CCDC192: variants seen among roughly 807,000 people sequenced by gnomAD.
The protein encoded by CCDC192 is coiled-coil domain containing 192.
intron 5 of CCDC192, among the ~76,000 whole-genome samples, chr5:127,824,576 T>C (rs971405253): frequency 2.6e-5 from 4 of 152,214 alleles, no homozygotes; most frequent in African/African-American, 7.2e-5. Flanking sequence ...ACTTTTTGCA[T>C]GGAATTTCAC....
At chr5:127,883,080 C>G (rs534596833) in intron 6 of CCDC192, among the ~76,000 whole-genome samples, 3 of 152,336 alleles carry the variant, frequency 2.0e-5, no homozygotes, top group South Asian at 2.1e-4. Flanking sequence ...CATCATCAGA[C>G]TTTATGGAGC....
At chr5:127,724,317 T>C (rs1167389395) in intron 2 of CCDC192, among the ~76,000 whole-genome samples, 2 of 152,216 alleles carry the variant, frequency 1.3e-5, no homozygotes, top group Non-Finnish European at 2.9e-5. Flanking sequence ...ACCTGCGATC[T>C]TCCTTACAAT....
At chr5:127,749,205 A>G (rs1753972710) in intron 2 of CCDC192, among the ~76,000 whole-genome samples, 1 of 152,046 alleles carries the variant, frequency 6.6e-6, no homozygotes. Context: ...TTCAAAGGGA[A>G]TGCTTCCAGT....
At chr5:127,903,955 C>A (rs1580812332) in intron 6 of CCDC192, among the ~76,000 whole-genome samples, 2 of 152,240 alleles carry the variant, frequency 1.3e-5, no homozygotes, top group East Asian at 3.9e-4. Flanking sequence ...TTACCTAAAT[C>A]CTGGAACCTG....
chr5:127,707,663 A>T (rs173581), intron 1 of CCDC192, 46 bp from the exon 2 acceptor site: 266,771 of 397,430 alleles, frequency 0.67, 89,981 homozygotes, highest in African/African-American at 0.75. Flanking sequence ...CGCACATGAG[A>T]GCCTGAAATA....
intron 5 of CCDC192, among the ~76,000 whole-genome samples, chr5:127,807,748 C>T (rs1018980876): frequency 3.9e-5 from 6 of 152,018 alleles, no homozygotes; most frequent in African/African-American, 7.2e-5. Flanking sequence ...GATCAGGAGT[C>T]GATATTTGAG....
At chr5:127,802,020 C>A (rs1757531886) in intron 5 of CCDC192, among the ~76,000 whole-genome samples, 1 of 152,100 alleles carries the variant, frequency 6.6e-6, no homozygotes, top group East Asian at 1.9e-4. Context: ...CTATTTGTTA[C>A]AAAAAATATA....
chr5:127,737,139 T>A (rs1443267150), intron 2 of CCDC192, among the ~76,000 whole-genome samples: 2 of 151,850 alleles, frequency 1.3e-5, no homozygotes, highest in Non-Finnish European at 2.9e-5. Context: ...GTCTTTGTTC[T>A]CGTTGGTTTC....
chr5:127,726,709 C>T (rs940468966), intron 2 of CCDC192, among the ~76,000 whole-genome samples: 3 of 152,214 alleles, frequency 2.0e-5, no homozygotes, highest in African/African-American at 4.8e-5. Flanking sequence ...CTGGTCAGGG[C>T]CTCCTTGTGG....
intron 2 of CCDC192, among the ~76,000 whole-genome samples, chr5:127,719,466 C>T (rs202146184): frequency 2.2e-4 from 8 of 36,062 alleles, no homozygotes; most frequent in East Asian, 1.7e-3. Context: ...CATATATATA[C>T]AGACACATAC....
intron 6 of CCDC192, among the ~76,000 whole-genome samples, chr5:127,912,419 C>G (rs77109820): frequency 1.2e-5 from 1 of 81,452 alleles, no homozygotes; most frequent in Non-Finnish European, 2.2e-5. Context: ...CTGGGTTTAG[C>G]AAAAAAAAAA....
chr5:127,824,969 A>T (rs1182947355), intron 5 of CCDC192, among the ~76,000 whole-genome samples: 1 of 152,218 alleles, frequency 6.6e-6, no homozygotes, highest in Admixed American at 6.5e-5. Context: ...GTAGTTGTTC[A>T]AGCACACAAA....
intron 6 of CCDC192, among the ~76,000 whole-genome samples, chr5:127,919,540 C>A (rs1347522196): frequency 6.6e-6 from 1 of 152,188 alleles, no homozygotes; most frequent in African/African-American, 2.4e-5. Context: ...ATGGTAGAGT[C>A]ACTCTCTTGT....
chr5:127,896,224 A>G (rs1355262606), intron 6 of CCDC192, among the ~76,000 whole-genome samples: 1 of 152,072 alleles, frequency 6.6e-6, no homozygotes, highest in Non-Finnish European at 1.5e-5. Flanking sequence ...GGATCATTTG[A>G]GGCCATGAGT....
intron 2 of CCDC192, among the ~76,000 whole-genome samples, chr5:127,750,207 G>A (rs1203550732): frequency 6.6e-6 from 1 of 152,006 alleles, no homozygotes; most frequent in African/African-American, 2.4e-5. Context: ...TGTGATGTTA[G>A]GGTGTCAATT....
intron 6 of CCDC192, among the ~76,000 whole-genome samples, chr5:127,887,690 A>G (rs1292496981): frequency 1.3e-5 from 2 of 151,662 alleles, no homozygotes; most frequent in South Asian, 2.1e-4. Context: ...TAATTAATTC[A>G]TAATTTTTAT....
At chr5:127,817,764 A>G (rs1749090931) in intron 5 of CCDC192, among the ~76,000 whole-genome samples, 2 of 152,192 alleles carry the variant, frequency 1.3e-5, no homozygotes, top group Non-Finnish European at 2.9e-5. Context: ...TGACTGCTAT[A>G]TCTCAATAAA....
At chr5:127,756,548 C>CTGCAAAATATCTGAA (rs1754609539) in intron 3 of CCDC192, among the ~76,000 whole-genome samples, 1 of 152,176 alleles carries the variant, frequency 6.6e-6, no homozygotes, top group African/African-American at 2.4e-5. Context: ...GCTGATCCAT[C>CTGCAAAATATCTGAA]GAGTGCAGGA....
In CCDC192 at chr5:127,879,311, A is replaced by C. The variant is rs865995345; in HGVS notation, c.535+3650A>C. Reference sequence around the variant, plus strand: ...ATCTACAACTATCTGATCTTTGACAAACCTGAGAAAAACAAGCAATGGGGA... The same window carrying C: ...ATCTACAACTATCTGATCTTTGACACACCTGAGAAAAACAAGCAATGGGGA... On this transcript the variant is annotated intron_variant, in intron 6 of 6. Coordinates refer to ENST00000514853, the MANE Select transcript of CCDC192 (RefSeq NM_001317938.2). Among the ~76,000 whole-genome samples the C allele has an allele frequency of 2.6e-4, 39 of 148,672 alleles. 1 individual carries two copies. The Middle Eastern group carries it at 0.01, about 39-fold the overall frequency.
Sources: gnomAD v4.1 joint callset for allele counts (sites outside exome capture counted in the v4.1 genomes callset) on GRCh38, gnomAD v4.1.1 for gene constraint, MANE v1.5 for transcripts, NCBI Gene and HGNC (gene_info 2026-07-23, HGNC 2026-07-21) for gene names.